KLHL29: variants seen among roughly 807,000 people sequenced by gnomAD.
The protein encoded by KLHL29 is kelch like family member 29.
KLHL29 carries 21 observed loss-of-function variants against 80.4 expected under a neutral mutation model. That is an observed-to-expected ratio of 0.26 (90% CI 0.19 to 0.38). KLHL29 has a LOEUF of 0.38. Ranked by LOEUF, KLHL29 falls within the 10% of genes least tolerant of loss-of-function variation. The pLI is 1.00. For missense variants in KLHL29, 867 were observed against 1,223.9 expected, an observed-to-expected ratio of 0.71 and a Z score of 4.35; for synonymous variants, 511 against 526.8, an observed-to-expected ratio of 0.97 and a Z score of 0.41.
intron 1 of KLHL29, among the ~76,000 whole-genome samples, chr2:23,471,409 T>C (rs1032015865): frequency 9.2e-5 from 14 of 152,226 alleles, no homozygotes; most frequent in African/African-American, 3.1e-4. Context: ...TTAGGAACTA[T>C]CTTTATTTAT....
At chr2:23,439,783 T>C (rs1460093736) in intron 1 of KLHL29, among the ~76,000 whole-genome samples, 1 of 152,044 alleles carries the variant, frequency 6.6e-6, no homozygotes, top group South Asian at 2.1e-4. Flanking sequence ...AAAATGTATA[T>C]TCTGTTGATT....
At chr2:23,640,090 C>A (rs1669724121) in intron 4 of KLHL29, among the ~76,000 whole-genome samples, 1 of 152,150 alleles carries the variant, frequency 6.6e-6, no homozygotes, top group Non-Finnish European at 1.5e-5. Flanking sequence ...CCGAGATGCC[C>A]CAGCAGCTAC....
chr2:23,589,027 C>T (rs1668187687), intron 3 of KLHL29, among the ~76,000 whole-genome samples: 1 of 152,266 alleles, frequency 6.6e-6, no homozygotes, highest in Admixed American at 6.5e-5. Flanking sequence ...CTCCTGGTTA[C>T]ACGTGTGTTC....
At chr2:23,478,994 G>A (rs900757088) in intron 2 of KLHL29, among the ~76,000 whole-genome samples, 4 of 150,088 alleles carry the variant, frequency 2.7e-5, no homozygotes, top group African/African-American at 4.9e-5. Context: ...TCCCTCCCTC[G>A]TGCCATGGAC....
intron 1 of KLHL29, among the ~76,000 whole-genome samples, chr2:23,432,048 C>T (rs1050182022): frequency 2.6e-5 from 4 of 152,164 alleles, no homozygotes; most frequent in African/African-American, 7.2e-5. Context: ...GACGTCAATT[C>T]CAGATCACCA....
intron 2 of KLHL29, among the ~76,000 whole-genome samples, chr2:23,485,272 G>A (rs1156683119): frequency 2.0e-5 from 3 of 152,242 alleles, no homozygotes; most frequent in East Asian, 1.9e-4. Context: ...GGCAGGGACT[G>A]TCTCAGTCAG....
chr2:23,624,532 G>C (rs577349094), intron 3 of KLHL29, among the ~76,000 whole-genome samples: 1 of 152,242 alleles, frequency 6.6e-6, no homozygotes, highest in African/African-American at 2.4e-5. Context: ...TCTGTTACTT[G>C]ACCTGCAATT....
At chr2:23,552,230 A>G (rs1021610804) in intron 2 of KLHL29, among the ~76,000 whole-genome samples, 2 of 152,214 alleles carry the variant, frequency 1.3e-5, no homozygotes, top group African/African-American at 4.8e-5. Flanking sequence ...TGCTCTCACT[A>G]CAAAAGGAAA....
intron 1 of KLHL29, among the ~76,000 whole-genome samples, chr2:23,394,323 T>A (rs1423269591): frequency 6.6e-6 from 1 of 152,242 alleles, no homozygotes; most frequent in South Asian, 2.1e-4. Flanking sequence ...CTCCTGGAGC[T>A]TCTAAATGAG....
intron 3 of KLHL29, among the ~76,000 whole-genome samples, chr2:23,601,821 C>A (rs1201870828): frequency 6.6e-6 from 1 of 152,174 alleles, no homozygotes; most frequent in Non-Finnish European, 1.5e-5. Context: ...ATCCCACATC[C>A]GAGCATGTTG....
At chr2:23,508,224 C>T (rs892632878) in intron 2 of KLHL29, among the ~76,000 whole-genome samples, 2 of 152,238 alleles carry the variant, frequency 1.3e-5, no homozygotes, top group Non-Finnish European at 1.5e-5. Context: ...AACCGTCTTA[C>T]TACTCTCACA....
Position 23,492,856 on chromosome 2 carries a change from G to T in KLHL29, c.-46+17189G>T, listed in dbSNP as rs17045480. Among the ~76,000 whole-genome samples, 249 of 152,154 alleles carry T rather than the reference G, an allele frequency of 1.6e-3. 1 individual carries two copies. In the East Asian group the frequency reaches 0.039, roughly 24 times the overall value. ...TGCCCATCGGCTGGGTTCCTTGAAG[G>T]CCCTCCTTACCGTAGCCTCACGATA... On this transcript the variant is annotated intron_variant, in intron 2 of 13. Transcript: ENST00000486442.
At chr2:23,683,685 A>C (rs910879016) in intron 5 of KLHL29, among the ~76,000 whole-genome samples, 3 of 152,194 alleles carry the variant, frequency 2.0e-5, no homozygotes, top group Non-Finnish European at 4.4e-5. Flanking sequence ...CGGGCTGTAA[A>C]GCAGGCTCTG....
intron 1 of KLHL29, among the ~76,000 whole-genome samples, chr2:23,435,584 G>A (rs530153325): frequency 9.8e-4 from 149 of 152,272 alleles, no homozygotes; most frequent in Non-Finnish European, 1.9e-3. Context: ...AATGAGCTGC[G>A]GTTGCACGTA....
At chr2:23,416,319 G>C (rs554447304) in intron 1 of KLHL29, among the ~76,000 whole-genome samples, 1 of 152,306 alleles carries the variant, frequency 6.6e-6, no homozygotes, top group South Asian at 2.1e-4. Context: ...TGCAGCTGCG[G>C]TTTGGTGGGC....
Position 23,703,333 on chromosome 2 carries a change from C to T in KLHL29, c.2253C>T (p.Tyr751=), listed in dbSNP as rs186841907. 6.0e-4 allele frequency: 918 copies of T among 1,541,000 alleles called. 5 individuals carry two copies. Among genetic ancestry groups the T allele is most frequent in the African/African-American group, 4.5e-3 (327 of 72,838 alleles). Residue 751 remains tyrosine, a synonymous_variant, in exon 12 of 14, where the codon TAC becomes TAT. Coordinates refer to ENST00000486442, the MANE Select transcript of KLHL29 (RefSeq NM_052920.2). The part of the protein sequence containing the change: ...AGRAAGVLQS[Y]VPQTNTWSFI... ...GAGCTGCCGGCGTCCTCCAGTCTTA[C>T]GTTCCTCAGACCAACACGTGGAGCT... is the stretch of plus-strand genomic sequence containing the variant.
chr2:23,403,540 C>G (rs1451937507), intron 1 of KLHL29, among the ~76,000 whole-genome samples: 2 of 152,188 alleles, frequency 1.3e-5, no homozygotes, highest in African/African-American at 4.8e-5. Flanking sequence ...CCAGTGCCAG[C>G]ATTCTCAAAT....
chr2:23,428,499 C>A (rs1663066492), intron 1 of KLHL29, among the ~76,000 whole-genome samples: 1 of 152,090 alleles, frequency 6.6e-6, no homozygotes, highest in Admixed American at 6.5e-5. Flanking sequence ...CTACCTGCAC[C>A]AACAATGACC....
At chr2:23,416,622 G>A (rs1177380820) in intron 1 of KLHL29, among the ~76,000 whole-genome samples, 1 of 152,200 alleles carries the variant, frequency 6.6e-6, no homozygotes, top group African/African-American at 2.4e-5. Context: ...TCTGTCAATA[G>A]ATCCATTGTC....
Sources: allele counts gnomAD v4.1 joint callset (sites outside exome capture counted in the v4.1 genomes callset), GRCh38; gene constraint gnomAD v4.1.1; transcripts MANE v1.5; gene names NCBI Gene and HGNC (gene_info 2026-07-23, HGNC 2026-07-21).